The following RBFOX1 variants were observed in gnomAD, a reference collection of about 807,000 sequenced individuals.
RBFOX1 encodes the protein RNA binding protein fox-1 homolog 1.
RBFOX1 carries 8 observed loss-of-function variants against 57.7 expected under a neutral mutation model. The observed-to-expected ratio is 0.14, with a 90% CI of 0.08 to 0.25. RBFOX1 has a LOEUF of 0.25. Ranked by LOEUF, RBFOX1 falls within the 10% of genes least tolerant of loss-of-function variation. The pLI is 1.00. For missense variants in RBFOX1, 611 were observed against 548.5 expected (o/e 1.11, Z -1.14); for synonymous variants, 326 against 222.4 (o/e 1.47, Z -4.15).
At chr16:5,944,903 T>C (rs1455479669) in intron 4 of RBFOX1, among the ~76,000 whole-genome samples, 1 of 130,704 alleles carries the variant, frequency 7.7e-6, no homozygotes, top group Non-Finnish European at 1.6e-5. Context: ...GAGGCAGAGG[T>C]TGCAATGAGC....
chr16:6,408,044 C>G (rs1567209685), intron 2 of RBFOX1, among the ~76,000 whole-genome samples: 1 of 152,090 alleles, frequency 6.6e-6, no homozygotes, highest in Non-Finnish European at 1.5e-5. Flanking sequence ...GTTTACCCCT[C>G]CCATCATTTG....
At chr16:7,159,427 A>T (rs72765535) in intron 4 of RBFOX1, among the ~76,000 whole-genome samples, 1 of 151,928 alleles carries the variant, frequency 6.6e-6, no homozygotes, top group East Asian at 1.9e-4. Flanking sequence ...ATTAGCATCT[A>T]TGTCACTCTA....
intron 3 of RBFOX1, among the ~76,000 whole-genome samples, chr16:5,701,380 A>G (rs1274665935): frequency 6.6e-6 from 1 of 152,216 alleles, no homozygotes; most frequent in Non-Finnish European, 1.5e-5. Flanking sequence ...GGGAGAATAT[A>G]TTGTGATGCC....
At chr16:6,936,656 C>A (rs1194341497) in intron 3 of RBFOX1, among the ~76,000 whole-genome samples, 1 of 151,944 alleles carries the variant, frequency 6.6e-6, no homozygotes, top group Non-Finnish European at 1.5e-5. Context: ...ACTATGACCG[C>A]TATTTCACAG....
rs75937350 is a variant in RBFOX1, at chr16:6,707,388, G to T, written c.-16+52738G>T. Among the ~76,000 whole-genome samples the T allele has an allele frequency of 1.1e-3, 171 of 151,842 alleles. 1 individual carries two copies. The highest frequency in any genetic ancestry group is 4.1e-3 in the African/African-American group (168 of 41,432). On this transcript the variant is annotated intron_variant, in intron 3 of 15. Coordinates refer to ENST00000550418, the MANE Select transcript of RBFOX1 (RefSeq NM_018723.4). ...TTACATGTTAAAAACATCATTTTAG[G>T]GAAATCATACGTTAACAGCTCCTAC...
intron 2 of RBFOX1, among the ~76,000 whole-genome samples, chr16:5,589,460 T>C (rs9302804): frequency 0.2 from 30,688 of 152,094 alleles, 3,468 homozygotes; most frequent in African/African-American, 0.3. Flanking sequence ...CATAACATTA[T>C]TATGTCCATC....
rs968708672 is a variant in RBFOX1 at position 6,097,060 on chromosome 16, T to C, written c.-127+77068T>C. Among the ~76,000 whole-genome samples the C allele has an allele frequency of 6.6e-6, 1 of 152,100 alleles. No homozygotes were observed. The highest frequency in any genetic ancestry group is 1.5e-5 in the Non-Finnish European group (1 of 68,030). ...AGATAACTGAATCATGGGGGTGGTT[T>C]CCCCCATACTGTTGTCATGGTGGTG... On this transcript the variant is annotated intron_variant, in intron 1 of 15. Transcript: ENST00000550418. This position sits in a 1 kb window ranked among gnomAD's most constrained non-coding sequence, Gnocchi z 5.0.
At chr16:6,074,688 C>T (rs959363924) in intron 1 of RBFOX1, among the ~76,000 whole-genome samples, 1 of 152,154 alleles carries the variant, frequency 6.6e-6, no homozygotes, top group Non-Finnish European at 1.5e-5. Flanking sequence ...TGGATGGAGA[C>T]AGCAGAGGTA....
intron 2 of RBFOX1, among the ~76,000 whole-genome samples, chr16:5,497,622 C>CA (rs911723996): frequency 0.014 from 733 of 53,366 alleles, 12 homozygotes; most frequent in East Asian, 0.05. Flanking sequence ...ACTAAAAATA[C>CA]AAAAAAAAAA....
intron 1 of RBFOX1, among the ~76,000 whole-genome samples, chr16:5,456,432 A>G (rs1158598406): frequency 2.0e-5 from 3 of 152,192 alleles, no homozygotes; most frequent in Non-Finnish European, 4.4e-5. Context: ...GGGTTGTGGA[A>G]ATAGAATCAT....
chr16:6,764,080 G>T (rs369678228), intron 3 of RBFOX1, among the ~76,000 whole-genome samples: 1 of 152,170 alleles, frequency 6.6e-6, no homozygotes, highest in South Asian at 2.1e-4. Context: ...CACTCATAAC[G>T]TGATCTTAAA....
intron 4 of RBFOX1, among the ~76,000 whole-genome samples, chr16:7,158,563 G>C (rs1483318546): frequency 6.6e-6 from 1 of 151,912 alleles, no homozygotes; most frequent in East Asian, 1.9e-4. Flanking sequence ...ATGTCTGTGT[G>C]GTGTGTGTTT....
At chr16:6,920,143 T>A (rs2074140914) in intron 3 of RBFOX1, among the ~76,000 whole-genome samples, 1 of 152,238 alleles carries the variant, frequency 6.6e-6, no homozygotes, top group South Asian at 2.1e-4. Flanking sequence ...AGTCATATTC[T>A]ATGGTGTAGG....
At chr16:6,734,618 T>G (rs965293735) in intron 3 of RBFOX1, among the ~76,000 whole-genome samples, 2 of 152,210 alleles carry the variant, frequency 1.3e-5, no homozygotes, top group Non-Finnish European at 2.9e-5. Context: ...ACTAGGTCTC[T>G]ATTCCTCAGA....
At chr16:5,795,600 A>G (rs552319296) in intron 3 of RBFOX1, among the ~76,000 whole-genome samples, 7 of 152,238 alleles carry the variant, frequency 4.6e-5, no homozygotes, top group South Asian at 2.1e-4. Flanking sequence ...CTGGTCTTCA[A>G]TATGTTGTTT....
At chr16:7,691,904 G>C (rs1026095245) in intron 14 of RBFOX1, among the ~76,000 whole-genome samples, 5 of 152,130 alleles carry the variant, frequency 3.3e-5, no homozygotes, top group African/African-American at 1.2e-4. Context: ...AGCATTCTTA[G>C]GAGCATTCTG....
chr16:7,697,506 G>T (rs1386704157), intron 14 of RBFOX1, among the ~76,000 whole-genome samples: 1 of 91,662 alleles, frequency 1.1e-5, no homozygotes, highest in Non-Finnish European at 2.5e-5. Context: ...GTGCTAGTAT[G>T]ATATACATAC....
At chr16:6,898,454 C>G (rs2067522947) in intron 3 of RBFOX1, among the ~76,000 whole-genome samples, 1 of 152,124 alleles carries the variant, frequency 6.6e-6, no homozygotes, top group Non-Finnish European at 1.5e-5. Context: ...GGAATCAGCT[C>G]TATCAATTAT....
chr16:6,284,151 C>G (rs957957001), intron 1 of RBFOX1, among the ~76,000 whole-genome samples: 6 of 152,144 alleles, frequency 3.9e-5, no homozygotes, highest in African/African-American at 1.4e-4. Context: ...TCACTTTGCC[C>G]CATTTTTCCT....
Sources: allele counts gnomAD v4.1 joint callset (sites outside exome capture counted in the v4.1 genomes callset), GRCh38; gene constraint gnomAD v4.1.1; non-coding constraint Gnocchi (gnomAD v3.1); transcripts MANE v1.5; gene names NCBI Gene and HGNC (gene_info 2026-07-23, HGNC 2026-07-21).